The following ZBTB44 variants were observed in gnomAD, a reference collection of about 807,000 sequenced individuals.
ZBTB44 encodes the protein zinc finger and BTB domain-containing protein 44.
A neutral mutation model predicts 54.0 loss-of-function variants in ZBTB44; 15 were observed. The observed-to-expected ratio is 0.28, with a 90% confidence interval of 0.19 to 0.43. The LOEUF is 0.43. Ranked by LOEUF, ZBTB44 falls within the 20% of genes least tolerant of loss-of-function variation. The probability of loss-of-function intolerance (pLI) is 1.00; values close to 1 mark genes in which losing one functional copy is unlikely to be tolerated. For synonymous variants in ZBTB44, 230 were observed against 250.1 expected, an observed-to-expected ratio of 0.92 and a Z score of 0.76; for missense variants, 487 against 707.1, an observed-to-expected ratio of 0.69 and a Z score of 3.53.
At position 130,261,897 on chromosome 11, in the gene ZBTB44, G is replaced by T; in HGVS notation, c.-24C>A. 6.4e-7 allele frequency: 1 copy of T among 1,572,046 alleles called. No individual in the cohort carries two copies. The highest frequency in any genetic ancestry group is 8.6e-7 in the Non-Finnish European group (1 of 1,159,090). On this transcript the variant is annotated 5_prime_UTR_variant, in exon 2 of 8. Transcript: ENST00000357899. This position sits in a 1 kb window ranked among gnomAD's most constrained non-coding sequence, Gnocchi z 4.8. ...ATCTTTTACTTCCTCTTCTACAGAT[G>T]CTCTTCAAGGATGCAAATAAATCAG... is the stretch of plus-strand genomic sequence containing the variant.
At chr11:130,278,035 CT>C (rs989850360) in intron 1 of ZBTB44, among the ~76,000 whole-genome samples, 3 of 152,110 alleles carry the variant, frequency 2.0e-5, no homozygotes, top group Non-Finnish European at 4.4e-5. Context: ...AAGATTTTCC[CT>C]TTTTAAACTT....
Position 130,227,417 on chromosome 11 carries a change from C to G in ZBTB44, c.*4347G>C, listed in dbSNP as rs1953731729. 6.6e-6 allele frequency: 1 copy of G among 152,190 alleles called. No individual in the cohort carries two copies. The highest frequency in any genetic ancestry group is 2.4e-5 in the African/African-American group (1 of 41,436). 9.4% of individuals were successfully genotyped at this position (152,190 alleles called of 1,614,324 possible). A position where few individuals can be genotyped will look rare whatever the true frequency, so the allele number is the denominator to read the frequency against. On this transcript the variant is annotated 3_prime_UTR_variant, in exon 8 of 8. Transcript: ENST00000357899. ...GGGTAGAAGACATAAAAACACCCATCTATGTAATTTAATTCACATTTTCTC... is the reference window on the plus strand; with the variant it reads ...GGGTAGAAGACATAAAAACACCCATGTATGTAATTTAATTCACATTTTCTC...
intron 1 of ZBTB44, among the ~76,000 whole-genome samples, chr11:130,272,559 C>T (rs1032201638): frequency 1.1e-4 from 17 of 152,152 alleles, no homozygotes; most frequent in Admixed American, 5.2e-4. Context: ...TCTTTTATGA[C>T]GGTGTCCTTT....
At chr11:130,244,771 C>T (rs564542953) in intron 2 of ZBTB44, among the ~76,000 whole-genome samples, 36 of 151,828 alleles carry the variant, frequency 2.4e-4, no homozygotes, top group African/African-American at 8.0e-4. Context: ...AATGAACATA[C>T]GGGATGAAAT....
intron 1 of ZBTB44, chr11:130,296,056 C>T (rs1035956527): frequency 6.3e-6 from 10 of 1,583,380 alleles, no homozygotes; most frequent in Middle Eastern, 2.3e-4. Context: ...TGAAGCTGAT[C>T]GTATCTTGGA....
At position 130,314,790 on chromosome 11, in the gene ZBTB44, G is replaced by A. The variant is rs1942850358; in HGVS notation, c.-472C>T. 2.1e-5 allele frequency: 3 copies of A among 144,860 alleles called. No homozygotes were observed. The highest frequency in any genetic ancestry group is 3.6e-3 in the Middle Eastern group (1 of 276). The allele number at this position is 144,860 out of a possible 1,614,324, so 9.0% of individuals were successfully genotyped here. On this transcript the variant is annotated 5_prime_UTR_variant, in exon 1 of 8. Coordinates refer to ENST00000357899, the MANE Select transcript of ZBTB44 (RefSeq NM_001301098.2). ...AGCGGGGCGGGGTGGGGAAGGGGAA[G>A]GGGACTGAGGGGAGGGGAGGGGGAG...
rs776088511 is a variant in ZBTB44, at chr11:130,261,805, C to T, written c.69G>A (p.Met23Ile). ...CACAAAAATGTCCATCATTTCGCAGCATATTTAGCTTTCCAAGCATTTCCT... is the reference window on the plus strand; with the variant it reads ...CACAAAAATGTCCATCATTTCGCAGTATATTTAGCTTTCCAAGCATTTCCT... ...HSQEMLGKLN[M>I]LRNDGHFCDI... is the part of the protein sequence containing the mutation. Residue 23 changes from methionine to isoleucine, a missense_variant, in exon 2 of 8, where the codon ATG becomes ATA. Met to Ile is a conservative substitution (Grantham distance 10, BLOSUM62 1). Transcript: ENST00000357899. The surrounding 1 kb of genome is among the most constrained non-coding windows in gnomAD (Gnocchi z 4.8). The T allele has an allele frequency of 1.9e-6, 3 of 1,613,998 alleles. No individual in the cohort carries two copies. In the South Asian group the frequency reaches 3.3e-5, roughly 18 times the overall value.
At chr11:130,313,966 A>ATATATTTTTT (rs1160244728) in intron 1 of ZBTB44, among the ~76,000 whole-genome samples, 15 of 116,130 alleles carry the variant, frequency 1.3e-4, no homozygotes, top group Non-Finnish European at 2.0e-4. Context: ...ATATATATAT[A>ATATATTTTTT]TTTTTTTAAA....
At chr11:130,300,626 C>T (rs1941938725) in intron 1 of ZBTB44, among the ~76,000 whole-genome samples, 2 of 152,154 alleles carry the variant, frequency 1.3e-5, no homozygotes, top group East Asian at 3.8e-4. Context: ...GGAGTTACTT[C>T]AGAAACCAAG....
intron 5 of ZBTB44, 135 bp downstream of exon 5, chr11:130,236,658 G>T: frequency 1.1e-6 from 1 of 916,732 alleles, no homozygotes; most frequent in Non-Finnish European, 1.5e-6. Flanking sequence ...ATTAGAGTAT[G>T]AACAGTGGGA....
chr11:130,262,618 A>G (rs532240868), intron 1 of ZBTB44, among the ~76,000 whole-genome samples: 33 of 152,354 alleles, frequency 2.2e-4, no homozygotes, highest in Non-Finnish European at 4.3e-4. Flanking sequence ...GTGAGCATGC[A>G]GCAGGCAATG....
chr11:130,296,007 A>G, intron 1 of ZBTB44: 1 of 1,564,844 alleles, frequency 6.4e-7, no homozygotes, highest in Non-Finnish European at 8.8e-7. Flanking sequence ...AGAATATCCC[A>G]GGGTTTATGT....
intron 1 of ZBTB44, among the ~76,000 whole-genome samples, chr11:130,263,192 A>G (rs1192337416): frequency 6.6e-6 from 1 of 152,218 alleles, no homozygotes; most frequent in East Asian, 1.9e-4. Context: ...AGCTACTGAA[A>G]TAATTATCTT....
intron 1 of ZBTB44, among the ~76,000 whole-genome samples, chr11:130,280,188 G>C (rs1011601040): frequency 4.6e-5 from 7 of 152,122 alleles, no homozygotes; most frequent in African/African-American, 1.7e-4. Flanking sequence ...AAGTGCATTT[G>C]CAATTATAAT....
chr11:130,266,877 G>T (rs550379167), intron 1 of ZBTB44, among the ~76,000 whole-genome samples: 4 of 152,342 alleles, frequency 2.6e-5, no homozygotes, highest in Non-Finnish European at 5.9e-5. Context: ...CTGTTGAAAT[G>T]ACAATAAATG....
intron 1 of ZBTB44, among the ~76,000 whole-genome samples, chr11:130,303,828 T>C (rs559498484): frequency 6.6e-6 from 1 of 152,102 alleles, no homozygotes; most frequent in South Asian, 2.1e-4. Flanking sequence ...GGGAAGAATA[T>C]TCAATGTGGA....
At chr11:130,276,793 T>C (rs956780852) in intron 1 of ZBTB44, among the ~76,000 whole-genome samples, 19 of 152,192 alleles carry the variant, frequency 1.2e-4, no homozygotes, top group Non-Finnish European at 2.6e-4. Context: ...ATTGTCTGTT[T>C]CTTCATTTCT....
intron 2 of ZBTB44, among the ~76,000 whole-genome samples, chr11:130,244,353 T>C (rs952878316): frequency 6.6e-6 from 1 of 152,006 alleles, no homozygotes; most frequent in Admixed American, 6.6e-5. Flanking sequence ...AAACAAGCTT[T>C]TGGTTATAAT....
chr11:130,286,202 G>A (rs535180887), intron 1 of ZBTB44, among the ~76,000 whole-genome samples: 4 of 152,144 alleles, frequency 2.6e-5, no homozygotes, highest in Non-Finnish European at 4.4e-5. Context: ...TCACCAATGG[G>A]CCAGAATATT....
Sources: allele counts gnomAD v4.1 joint callset (sites outside exome capture counted in the v4.1 genomes callset), GRCh38; gene constraint gnomAD v4.1.1; non-coding constraint Gnocchi (gnomAD v3.1); transcripts MANE v1.5; gene names NCBI Gene and HGNC (gene_info 2026-07-23, HGNC 2026-07-21).